The following SND1 variants were observed in gnomAD, a reference collection of about 807,000 sequenced individuals.
The protein encoded by SND1 is staphylococcal nuclease and tudor domain containing 1.
SND1 carries 38 observed loss-of-function variants against 121.7 expected under a neutral mutation model. The ratio of observed to expected loss-of-function variants is 0.31; its 90% CI spans 0.24 to 0.41. The LOEUF (loss-of-function observed/expected upper bound fraction) is 0.41, where lower values mean the gene tolerates loss of function less well. Ranked by LOEUF, SND1 falls within the 10% of genes least tolerant of loss-of-function variation. The probability of loss-of-function intolerance (pLI) is 1.00; values close to 1 mark genes in which losing one functional copy is unlikely to be tolerated. For missense variants in SND1, 868 were observed against 1,184.6 expected (o/e 0.73, Z 3.92); for synonymous variants, 401 against 447.4 (o/e 0.90, Z 1.31).
At chr7:127,836,069 G>T (rs867417535) in intron 11 of SND1, among the ~76,000 whole-genome samples, 25 of 152,094 alleles carry the variant, frequency 1.6e-4, no homozygotes, top group South Asian at 1.2e-3. Context: ...GAGCAGTGAT[G>T]TCCACTTAAA....
chr7:127,938,944 A>T (rs1026580128), intron 15 of SND1, among the ~76,000 whole-genome samples: 2 of 152,268 alleles, frequency 1.3e-5, no homozygotes, highest in African/African-American at 4.8e-5. Context: ...TGGATGATAC[A>T]GTTCCAGCCT....
At chr7:127,724,743 T>C (rs1205668114) in intron 10 of SND1, among the ~76,000 whole-genome samples, 1 of 152,230 alleles carries the variant, frequency 6.6e-6, no homozygotes, top group Non-Finnish European at 1.5e-5. Context: ...ATGAAAGCAG[T>C]TTGCATATAG....
At chr7:127,848,729 AAG>A in intron 12 of SND1, among the ~76,000 whole-genome samples, 1 of 152,214 alleles carries the variant, frequency 6.6e-6, no homozygotes, top group Non-Finnish European at 1.5e-5. Flanking sequence ...ACTGAGAAGA[AAG>A]AGGCAGATGA....
chr7:127,705,219 C>G (rs1238310714), intron 8 of SND1, among the ~76,000 whole-genome samples: 1 of 152,056 alleles, frequency 6.6e-6, no homozygotes, highest in Non-Finnish European at 1.5e-5. Flanking sequence ...TTCCCAAGCC[C>G]CTTGCTTAAG....
At chr7:127,702,635 A>G (rs1260686495) in intron 6 of SND1, 109 bp downstream of exon 6, 2 of 828,080 alleles carry the variant, frequency 2.4e-6, no homozygotes, top group African/African-American at 3.3e-5. Context: ...AATGTGGGCC[A>G]TTAACATTGA....
intron 10 of SND1, among the ~76,000 whole-genome samples, chr7:127,769,849 ATTGCTTAATCCTCTG>A (rs1797484005): frequency 6.6e-6 from 1 of 152,154 alleles, no homozygotes; most frequent in Non-Finnish European, 1.5e-5. Flanking sequence ...TGGAGTGTGC[ATTGCTTAATCCTCTG>A]TTGCTTTTTA....
intron 15 of SND1, among the ~76,000 whole-genome samples, chr7:127,983,931 A>G (rs895410267): frequency 6.6e-6 from 1 of 151,574 alleles, no homozygotes. Context: ...TAATAATTAC[A>G]CCCCCTGTTT....
chr7:127,700,407 T>C (rs1249859322), intron 4 of SND1, among the ~76,000 whole-genome samples: 1 of 152,216 alleles, frequency 6.6e-6, no homozygotes, highest in Non-Finnish European at 1.5e-5. Flanking sequence ...GAGTCCCTCC[T>C]GCTGAAGATG....
chr7:128,087,715 C>G (rs1310858082), intron 21 of SND1, among the ~76,000 whole-genome samples: 1 of 152,064 alleles, frequency 6.6e-6, no homozygotes, highest in Non-Finnish European at 1.5e-5. Flanking sequence ...TAAAACCATG[C>G]GGTGTACAAG....
At chr7:127,652,739 A>G (rs756906867) in intron 1 of SND1, among the ~76,000 whole-genome samples, 1 of 152,218 alleles carries the variant, frequency 6.6e-6, no homozygotes, top group Non-Finnish European at 1.5e-5. Context: ...TGATTGATTA[A>G]CAGAGACAAT....
chr7:128,033,542 G>T (rs186325128), intron 16 of SND1, among the ~76,000 whole-genome samples: 1 of 152,224 alleles, frequency 6.6e-6, no homozygotes, highest in East Asian at 1.9e-4. Flanking sequence ...CTATTTCTGA[G>T]TATTGTCTTT....
At chr7:127,826,579 T>A (rs1455041724) in intron 11 of SND1, among the ~76,000 whole-genome samples, 1 of 152,230 alleles carries the variant, frequency 6.6e-6, no homozygotes, top group Non-Finnish European at 1.5e-5. Flanking sequence ...TTTATGTCCT[T>A]GTATTTTATC....
chr7:127,834,110 C>T (rs1798821018), intron 11 of SND1, among the ~76,000 whole-genome samples: 1 of 152,106 alleles, frequency 6.6e-6, no homozygotes, highest in South Asian at 2.1e-4. Flanking sequence ...ATGGGTATGT[C>T]AGTTGCTTCC....
At chr7:128,065,672 T>C (rs1793300882) in intron 16 of SND1, among the ~76,000 whole-genome samples, 1 of 152,212 alleles carries the variant, frequency 6.6e-6, no homozygotes, top group African/African-American at 2.4e-5. Flanking sequence ...TCTAAAGCCA[T>C]AGAGGTTCTT....
At chr7:127,883,634 A>G (rs1447400103) in intron 12 of SND1, among the ~76,000 whole-genome samples, 2 of 152,186 alleles carry the variant, frequency 1.3e-5, no homozygotes, top group Non-Finnish European at 2.9e-5. Flanking sequence ...GAACTTGGAT[A>G]TTAACACATT....
At chr7:127,997,600 T>C (rs897199373) in intron 16 of SND1, 29 of 457,276 alleles carry the variant, frequency 6.3e-5, no homozygotes, top group African/African-American at 5.4e-4. Context: ...TCTGACTGTG[T>C]AGGTGCATTT....
At chr7:127,779,794 T>C (rs1445167650) in intron 10 of SND1, among the ~76,000 whole-genome samples, 3 of 152,228 alleles carry the variant, frequency 2.0e-5, no homozygotes, top group Non-Finnish European at 4.4e-5. Context: ...TTGCTTTTCC[T>C]GATTTGCCTC....
chr7:128,029,205 G>A lies in SND1; in HGVS notation c.1779+38149G>A, dbSNP rs531914482. 8 of 1,614,146 alleles carry A rather than the reference G, an allele frequency of 5.0e-6. No homozygotes were observed. Among genetic ancestry groups the A allele is most frequent in the Admixed American group, 1.7e-5 (1 of 60,016 alleles). On this transcript the variant is annotated intron_variant, in intron 16 of 23. Transcript: ENST00000354725. The surrounding 1 kb of genome is among the most constrained non-coding windows in gnomAD (Gnocchi z 4.2). ...ATATGCCGGCTGGTAACCAGTGGAC[G>A]TGGTAGGAACAGGCTTGTACTTTCG... is the stretch of plus-strand genomic sequence containing the variant.
rs1793676631 is a variant in SND1, at chr7:128,085,685, G to A, written c.2235-26G>A. 1.2e-6 allele frequency: 2 copies of A among 1,611,836 alleles called. No homozygotes were observed. The highest frequency in any genetic ancestry group is 1.7e-5 in the Admixed American group (1 of 59,978). On this transcript the variant is annotated intron_variant, in intron 19 of 23. Coordinates refer to ENST00000354725, the MANE Select transcript of SND1 (RefSeq NM_014390.4). The surrounding 1 kb of genome is among the most constrained non-coding windows in gnomAD (Gnocchi z 4.4). ...CCCAGAGTCCTCAGGGCTGTCTCTT[G>A]AGCTCTGCCCATGATGCCATTGCAG...
Sources: allele counts gnomAD v4.1 joint callset (sites outside exome capture counted in the v4.1 genomes callset), GRCh38; gene constraint gnomAD v4.1.1; non-coding constraint Gnocchi (gnomAD v3.1); transcripts MANE v1.5; gene names NCBI Gene and HGNC (gene_info 2026-07-23, HGNC 2026-07-21).